Variants in PWWP2A observed in about 807,000 individuals in gnomAD.
The protein encoded by PWWP2A is PWWP domain-containing protein 2A.
A neutral mutation model predicts 48.5 loss-of-function variants in PWWP2A; 18 were observed. The ratio of observed to expected loss-of-function variants is 0.37; its 90% CI spans 0.26 to 0.55. PWWP2A has a LOEUF of 0.55. Among genes scored for constraint, PWWP2A ranks in the 20% least tolerant of loss-of-function variants. PWWP2A has a pLI of 0.81. For missense variants in PWWP2A, 867 were observed against 976.4 expected (o/e 0.89, Z 1.49); for synonymous variants, 396 against 387.7 (o/e 1.02, Z -0.25).
intron 2 of PWWP2A, among the ~76,000 whole-genome samples, chr5:160,081,655 C>A (rs996760466): frequency 6.6e-6 from 1 of 152,168 alleles, no homozygotes; most frequent in Admixed American, 6.5e-5. Flanking sequence ...TGAGGTAATA[C>A]CTCGTTGAAA....
Position 160,091,459 on chromosome 5 carries a change from G to C in PWWP2A, c.*923C>G. On this transcript the variant is annotated 3_prime_UTR_variant, in exon 2 of 2. Transcript: ENST00000307063. ...GACCTGCAAACAGATACCTTAAACG[G>C]AAATTATTTTGTTTTAATTATCAAA... 1.0e-6 allele frequency: 1 copy of C among 976,174 alleles called. No individual in the cohort carries two copies. The highest frequency in any genetic ancestry group is 1.8e-5 in the African/African-American group (1 of 55,448). The allele number at this position is 976,174 out of a possible 1,614,324, so 60.5% of individuals were successfully genotyped here.
chr5:160,055,787 C>G, the PWWP2A span, among the ~76,000 whole-genome samples: 2 of 152,252 alleles, frequency 1.3e-5, no homozygotes, highest in Non-Finnish European at 2.9e-5. Flanking sequence ...CTCTGAGAGA[C>G]ACCTCCTGAG....
downstream of PWWP2A, among the ~76,000 whole-genome samples, chr5:160,058,930 C>T: frequency 6.6e-6 from 1 of 152,128 alleles, no homozygotes; most frequent in East Asian, 1.9e-4. Flanking sequence ...GCTTAAAATG[C>T]TCAGTAAATT....
chr5:160,064,369 C>T (rs992698041), intron 4 of PWWP2A, among the ~76,000 whole-genome samples: 2 of 152,156 alleles, frequency 1.3e-5, no homozygotes, highest in African/African-American at 4.8e-5. Flanking sequence ...TCAAGATGAT[C>T]CCATTTCTAA....
chr5:160,088,233 G>A (rs1754793568), downstream of PWWP2A, among the ~76,000 whole-genome samples: 1 of 152,082 alleles, frequency 6.6e-6, no homozygotes, highest in Non-Finnish European at 1.5e-5. Context: ...TTTTTGTTTT[G>A]TTTTGTTTTT....
intron 1 of PWWP2A, chr5:160,108,457 C>G: frequency 1.8e-6 from 1 of 548,372 alleles, no homozygotes; most frequent in Non-Finnish European, 3.1e-6. Context: ...TTATAATGTA[C>G]CACAACACAA....
downstream of PWWP2A, among the ~76,000 whole-genome samples, chr5:160,071,691 T>C (rs1753742729): frequency 6.6e-6 from 1 of 152,204 alleles, no homozygotes; most frequent in African/African-American, 2.4e-5. Context: ...TCTCTCCAGA[T>C]TGCCCTTGGC....
At chr5:160,089,952 A>G, downstream of PWWP2A, 1 of 985,028 alleles carries the variant, frequency 1.0e-6, no homozygotes, top group South Asian at 4.7e-5. Flanking sequence ...CCATTGGAAT[A>G]AAAGTTTTTA....
At position 160,091,727 on chromosome 5, in the gene PWWP2A, C is replaced by T. The variant is rs1755083026; in HGVS notation, c.*655G>A. ...ATGACTAACACCTATCCAGTCTTGA[C>T]AGTTTTAATCCCAAACACTGGGCTA... On this transcript the variant is annotated 3_prime_UTR_variant, in exon 2 of 2. Transcript: ENST00000307063. The T allele has an allele frequency of 1.0e-6, 1 of 985,208 alleles. No individual in the cohort carries two copies. Among genetic ancestry groups the T allele is most frequent in the Non-Finnish European group, 1.2e-6 (1 of 829,842 alleles). The allele number at this position is 985,208 out of a possible 1,614,324, so 61.0% of individuals were successfully genotyped here.
At chr5:160,073,129 C>G (rs555279619), downstream of PWWP2A, among the ~76,000 whole-genome samples, 32 of 151,724 alleles carry the variant, frequency 2.1e-4, no homozygotes, top group South Asian at 5.2e-3. Context: ...AATAAGGCTG[C>G]TGTGTGACTT....
chr5:160,084,189 ATT>A (rs1243993930), intron 2 of PWWP2A, among the ~76,000 whole-genome samples: 1 of 152,172 alleles, frequency 6.6e-6, no homozygotes, highest in Non-Finnish European at 1.5e-5. Context: ...TGCTTTAAAT[ATT>A]CTTTTAAATT....
At chr5:160,094,311 T>C (rs1268634677) in intron 1 of PWWP2A, among the ~76,000 whole-genome samples, 1 of 152,250 alleles carries the variant, frequency 6.6e-6, no homozygotes, top group African/African-American at 2.4e-5. Context: ...TAGTTGACTA[T>C]ACTTAAAGTA....
At chr5:160,097,336 CAAAAA>C (rs70987999) in intron 1 of PWWP2A, among the ~76,000 whole-genome samples, 39 of 34,382 alleles carry the variant, frequency 1.1e-3, no homozygotes, top group African/African-American at 4.6e-3. Context: ...GCCTTTGTCT[CAAAAA>C]AAAAAAAAAA....
chr5:160,084,101 C>G (rs1311502834), intron 2 of PWWP2A, among the ~76,000 whole-genome samples: 2 of 152,162 alleles, frequency 1.3e-5, no homozygotes, highest in African/African-American at 2.4e-5. Context: ...CCAGAATTTA[C>G]CGTGCAACAC....
In PWWP2A at chr5:160,078,140, GA is replaced by G; in HGVS notation, c.*14del. The G allele has an allele frequency of 6.4e-7, 1 of 1,556,982 alleles. No homozygotes were observed. The highest frequency in any genetic ancestry group is 8.7e-7 in the Non-Finnish European group (1 of 1,148,194). On this transcript the variant is annotated 3_prime_UTR_variant, in exon 4 of 4. Transcript: ENST00000456329. The surrounding 1 kb of genome is among the most constrained non-coding windows in gnomAD (Gnocchi z 4.2). Reference sequence around the variant, plus strand: ...CTGTGTCATTGTGGTACAGGTCCATGAAACCAGCAGCCTGCTAATGTCTTTG... The same window carrying G: ...CTGTGTCATTGTGGTACAGGTCCATGAACCAGCAGCCTGCTAATGTCTTTG...
intron 2 of PWWP2A, among the ~76,000 whole-genome samples, chr5:160,081,600 C>T (rs754110127): frequency 2.0e-5 from 3 of 152,090 alleles, no homozygotes; most frequent in Non-Finnish European, 4.4e-5. Context: ...CACTTTAATC[C>T]CAATAACCAC....
rs2113705259 is a variant in PWWP2A, at chr5:160,118,936, G to A, written c.453C>T (p.Ser151=). 6.3e-7 allele frequency: 1 copy of A among 1,599,298 alleles called. No homozygotes were observed. Among genetic ancestry groups the A allele is most frequent in the Non-Finnish European group, 8.5e-7 (1 of 1,174,160 alleles). Reference sequence around the variant, plus strand: ...AGCCCGGGATCAGTTGCGACACCGTGGAGTCCCCGCCCGCCGGCGGCACGA... The same window carrying A: ...AGCCCGGGATCAGTTGCGACACCGTAGAGTCCCCGCCCGCCGGCGGCACGA... ...PALVPPAGGD[S]TVSQLIPGSE... The change falls in exon 1 of 2, where the codon TCC becomes TCT. Residue 151 remains serine, a synonymous_variant. Transcript: ENST00000307063.
the PWWP2A span, among the ~76,000 whole-genome samples, chr5:160,054,894 G>A: frequency 1.3e-5 from 2 of 152,146 alleles, no homozygotes; most frequent in African/African-American, 2.4e-5. Context: ...TAAAACTGAC[G>A]AGACACTTTC....
intron 3 of PWWP2A, chr5:160,080,578 A>G (rs953733498): frequency 1.5e-6 from 2 of 1,325,800 alleles, no homozygotes; most frequent in Non-Finnish European, 2.0e-6. Flanking sequence ...GTCTAGCCTA[A>G]TCTACTTCAG....
Sources: gnomAD v4.1 joint callset for allele counts (sites outside exome capture counted in the v4.1 genomes callset) on GRCh38, gnomAD v4.1.1 for gene constraint, Gnocchi (gnomAD v3.1) non-coding constraint, MANE v1.5 for transcripts, NCBI Gene and HGNC (gene_info 2026-07-23, HGNC 2026-07-21) for gene names.